Variants in RABGAP1 observed in about 807,000 individuals in gnomAD.
RABGAP1 encodes rab GTPase-activating protein 1.
In RABGAP1, 23 loss-of-function variants were observed where a neutral mutation model predicts 137.6. That is an observed-to-expected ratio of 0.17 (90% CI 0.12 to 0.24). The LOEUF (loss-of-function observed/expected upper bound fraction) is 0.24. RABGAP1 is among the 10% of genes least tolerant of loss of function. The pLI, the probability that RABGAP1 is intolerant of heterozygous loss-of-function variation, is 1.00. For missense variants in RABGAP1, 906 were observed against 1,275.8 expected, an observed-to-expected ratio of 0.71 and a Z score of 4.42; for synonymous variants, 451 against 450.7, an observed-to-expected ratio of 1.00 and a Z score of -0.01.
intron 13 of RABGAP1, among the ~76,000 whole-genome samples, chr9:123,051,075 G>GA (rs1391211458): frequency 2.7e-5 from 4 of 146,522 alleles, no homozygotes; most frequent in South Asian, 2.2e-4. Flanking sequence ...CAGCCTTGAA[G>GA]AAAAAAACTC....
intron 2 of RABGAP1, among the ~76,000 whole-genome samples, chr9:122,958,354 G>A (rs1834654817): frequency 6.6e-6 from 1 of 151,854 alleles, no homozygotes; most frequent in Non-Finnish European, 1.5e-5. Flanking sequence ...TCTAATGGGG[G>A]AAATAGACTC....
chr9:122,953,205 A>AT (rs1319525667), intron 1 of RABGAP1, among the ~76,000 whole-genome samples: 1 of 152,182 alleles, frequency 6.6e-6, no homozygotes, highest in Non-Finnish European at 1.5e-5. Flanking sequence ...TAACTGTTAA[A>AT]TTTTTTTGAA....
intron 13 of RABGAP1, among the ~76,000 whole-genome samples, chr9:123,055,364 G>GT (rs1008589247): frequency 1.6e-4 from 24 of 151,760 alleles, no homozygotes; most frequent in African/African-American, 5.1e-4. Flanking sequence ...ATTTTTTTGT[G>GT]TTTTTTGTTT....
At chr9:122,933,666 G>A in the RABGAP1 span, among the ~76,000 whole-genome samples, 7 of 151,242 alleles carry the variant, frequency 4.6e-5, no homozygotes, top group African/African-American at 9.7e-5. Context: ...TTGCTCTGTC[G>A]CCCAGGCTGA....
chr9:123,046,659 C>T (rs966878312), intron 13 of RABGAP1, among the ~76,000 whole-genome samples: 2 of 152,192 alleles, frequency 1.3e-5, no homozygotes, highest in East Asian at 3.8e-4. Context: ...AGTAAGCACT[C>T]AGTACATGTT....
At chr9:123,079,483 C>T (rs915190637) in intron 19 of RABGAP1, among the ~76,000 whole-genome samples, 1 of 151,938 alleles carries the variant, frequency 6.6e-6, no homozygotes, top group African/African-American at 2.4e-5. Flanking sequence ...AAGTGGTCCA[C>T]CCCCCTCAGC....
intron 13 of RABGAP1, among the ~76,000 whole-genome samples, chr9:123,043,777 C>T (rs916661167): frequency 1.3e-5 from 2 of 151,636 alleles, no homozygotes; most frequent in African/African-American, 4.8e-5. Context: ...TAAAAACAAA[C>T]AGCTTTAAAA....
Position 122,984,632 on chromosome 9 carries a change from C to A in RABGAP1, c.298C>A (p.Leu100Ile), listed in dbSNP as rs1444502714. Residue 100 changes from leucine to isoleucine, a missense_variant, in exon 3 of 26, where the codon CTC (leucine) becomes ATC (isoleucine). Coordinates refer to ENST00000373647, the MANE Select transcript of RABGAP1 (RefSeq NM_012197.4). ...GEGDGPLSNQ[L>I]SASSTINPVP... is the part of the protein sequence containing the mutation. ...AGGAGATGGGCCTCTTTCTAATCAG[C>A]TCTCCGCTTCATCCACCATTAACCC... 3 of 1,614,060 alleles carry A rather than the reference C, an allele frequency of 1.9e-6. No individual in the cohort carries two copies. The highest frequency in any genetic ancestry group is 2.5e-6 in the Non-Finnish European group (3 of 1,180,026).
At chr9:122,987,548 T>G (rs961726419) in intron 4 of RABGAP1, among the ~76,000 whole-genome samples, 4 of 152,112 alleles carry the variant, frequency 2.6e-5, no homozygotes, top group Non-Finnish European at 5.9e-5. Flanking sequence ...ACATACCATC[T>G]TGTACTTAGT....
chr9:123,093,936 T>G (rs2035104833), intron 21 of RABGAP1, among the ~76,000 whole-genome samples: 1 of 152,222 alleles, frequency 6.6e-6, no homozygotes, highest in Admixed American at 6.5e-5. Context: ...TTTATTAAGA[T>G]CTTTTTCAGT....
intron 21 of RABGAP1, among the ~76,000 whole-genome samples, chr9:123,093,510 C>T (rs1204445310): frequency 1.3e-5 from 2 of 152,220 alleles, no homozygotes; most frequent in African/African-American, 4.8e-5. Flanking sequence ...AACTGCTGTC[C>T]AGCAGGATGT....
At chr9:123,068,547 C>T (rs1382797205) in intron 14 of RABGAP1, among the ~76,000 whole-genome samples, 4 of 152,058 alleles carry the variant, frequency 2.6e-5, no homozygotes, top group Middle Eastern at 3.2e-3. Flanking sequence ...AGTATTAATA[C>T]TGGTAATAAC....
At chr9:123,068,586 A>G (rs886112855) in intron 14 of RABGAP1, among the ~76,000 whole-genome samples, 3 of 152,174 alleles carry the variant, frequency 2.0e-5, no homozygotes, top group Non-Finnish European at 4.4e-5. Context: ...ATTTGATAGG[A>G]AAGTGGTGCC....
intron 19 of RABGAP1, 46 bp from the exon 20 acceptor site, chr9:123,089,712 A>T (rs1482767392): frequency 4.0e-6 from 6 of 1,513,386 alleles, no homozygotes; most frequent in Non-Finnish European, 5.5e-6. Context: ...TGAAGCACCC[A>T]CTACTTTCTA....
At position 122,957,258 on chromosome 9, in the gene RABGAP1, T is replaced by C. The variant is rs767797619; in HGVS notation, c.150+49T>C. On this transcript the variant is annotated intron_variant, in intron 2 of 25. Transcript: ENST00000373647. ...GTTTTGCTTAGCTTTTCTAAGCCCATTGCAAAACTTGGCCTTAACAGAAAA... is the reference window on the plus strand; with the variant it reads ...GTTTTGCTTAGCTTTTCTAAGCCCACTGCAAAACTTGGCCTTAACAGAAAA... 3.6e-6 allele frequency: 5 copies of C among 1,385,850 alleles called. No homozygotes were observed. The South Asian group carries it at 5.8e-5, about 16-fold the overall frequency. 85.8% of individuals were successfully genotyped at this position (1,385,850 alleles called of 1,614,324 possible).
At chr9:123,004,361 C>G (rs6478588) in intron 10 of RABGAP1, among the ~76,000 whole-genome samples, 16,561 of 152,006 alleles carry the variant, frequency 0.11, 2,915 homozygotes, top group African/African-American at 0.37. Flanking sequence ...AAGCACGGCT[C>G]GCTACAGCCT....
intron 2 of RABGAP1, among the ~76,000 whole-genome samples, chr9:122,960,956 A>G (rs1274730049): frequency 6.6e-6 from 1 of 152,214 alleles, no homozygotes; most frequent in Non-Finnish European, 1.5e-5. Flanking sequence ...ACTTGACGAT[A>G]GATCAGTAGA....
At chr9:122,935,956 T>C (rs1833382073), upstream of RABGAP1, among the ~76,000 whole-genome samples, 1 of 150,146 alleles carries the variant, frequency 6.7e-6, no homozygotes, top group South Asian at 2.1e-4. Flanking sequence ...TCCATGACAG[T>C]TTTTTTTTTC....
At chr9:123,024,650 G>A (rs1251681830) in intron 13 of RABGAP1, among the ~76,000 whole-genome samples, 1 of 152,114 alleles carries the variant, frequency 6.6e-6, no homozygotes, top group Non-Finnish European at 1.5e-5. Flanking sequence ...ATGTTGGTTA[G>A]GCTGGTCTCG....
Sources: allele counts gnomAD v4.1 joint callset (sites outside exome capture counted in the v4.1 genomes callset), GRCh38; gene constraint gnomAD v4.1.1; transcripts MANE v1.5; gene names NCBI Gene and HGNC (gene_info 2026-07-23, HGNC 2026-07-21).